The following DCHS2 variants were observed in gnomAD, a reference collection of about 807,000 sequenced individuals.
DCHS2 encodes protocadherin-23.
DCHS2 carries 142 observed loss-of-function variants against 182.4 expected under a neutral mutation model. That is an observed-to-expected ratio of 0.78 (90% confidence interval 0.68 to 0.89). DCHS2 has a LOEUF of 0.89. Ranked by LOEUF, DCHS2 falls within the 40% of genes least tolerant of loss-of-function variation. DCHS2 has a pLI of 0.00. For synonymous variants in DCHS2, 1,740 were observed against 1,663.3 expected (o/e 1.05, Z -1.12); for missense variants, 4,319 against 4,198.6 (o/e 1.03, Z -0.79).
intron 1 of DCHS2, among the ~76,000 whole-genome samples, chr4:154,417,196 TGTGTGTGTGAGAGAGA>T (rs1415481153): frequency 0.027 from 1,779 of 67,012 alleles, 74 homozygotes; most frequent in African/African-American, 0.077. Context: ...TGTGTGTGTG[TGTGTGTGTGAGAGAGA>T]GAGAGAGAGA....
At chr4:154,356,940 A>T (rs1729898653) in intron 3 of DCHS2, among the ~76,000 whole-genome samples, 1 of 152,080 alleles carries the variant, frequency 6.6e-6, no homozygotes, top group Non-Finnish European at 1.5e-5. Flanking sequence ...TACAGGTCAG[A>T]AGTAGTTGGC....
chr4:154,469,830 G>A (rs575678662), intron 1 of DCHS2, among the ~76,000 whole-genome samples: 1 of 152,166 alleles, frequency 6.6e-6, no homozygotes, highest in East Asian at 1.9e-4. Context: ...ACATCATCCT[G>A]TTAGACAAAC....
At chr4:154,429,327 C>A (rs188085977) in intron 1 of DCHS2, among the ~76,000 whole-genome samples, 140 of 152,294 alleles carry the variant, frequency 9.2e-4, no homozygotes, top group African/African-American at 3.3e-3. Flanking sequence ...CTCTTTCCTT[C>A]CTTTTGTGGG....
At chr4:154,272,598 C>T (rs192600237) in intron 13 of DCHS2, among the ~76,000 whole-genome samples, 8 of 152,162 alleles carry the variant, frequency 5.3e-5, no homozygotes, top group Admixed American at 5.2e-4. Flanking sequence ...TGTCTCTCAC[C>T]TACTGCCATG....
chr4:154,364,118 T>G (rs1202059030), intron 3 of DCHS2, among the ~76,000 whole-genome samples: 2 of 152,222 alleles, frequency 1.3e-5, no homozygotes, highest in Non-Finnish European at 2.9e-5. Context: ...AATTTGGTCT[T>G]TGCTTAAAAA....
chr4:154,247,793 T>G (rs1250410915), intron 16 of DCHS2, among the ~76,000 whole-genome samples: 2 of 152,128 alleles, frequency 1.3e-5, no homozygotes, highest in African/African-American at 4.8e-5. Flanking sequence ...ATATATTACA[T>G]GAAAGAGTAG....
At chr4:154,473,993 G>T (rs1385897704) in intron 1 of DCHS2, among the ~76,000 whole-genome samples, 2 of 152,122 alleles carry the variant, frequency 1.3e-5, no homozygotes, top group African/African-American at 4.8e-5. Context: ...AATCTGAGCC[G>T]ATATTAAAGG....
intron 7 of DCHS2, among the ~76,000 whole-genome samples, chr4:154,327,133 A>G (rs1056930489): frequency 4.6e-5 from 7 of 152,126 alleles, no homozygotes; most frequent in Non-Finnish European, 1.0e-4. Context: ...GACAGATCCT[A>G]TCTGTGTTGT....
At chr4:154,392,339 G>A (rs1731744946) in intron 1 of DCHS2, among the ~76,000 whole-genome samples, 1 of 152,130 alleles carries the variant, frequency 6.6e-6, no homozygotes, top group Non-Finnish European at 1.5e-5. Flanking sequence ...CAGAATTTAT[G>A]CACAGAGGTC....
intron 1 of DCHS2, among the ~76,000 whole-genome samples, chr4:154,462,321 T>A (rs1468721636): frequency 6.6e-6 from 1 of 152,182 alleles, no homozygotes; most frequent in Non-Finnish European, 1.5e-5. Flanking sequence ...CTTAACACTT[T>A]ACAGTCAAGC....
intron 1 of DCHS2, among the ~76,000 whole-genome samples, chr4:154,410,976 A>AAGG (rs1732607005): frequency 6.6e-6 from 1 of 152,238 alleles, no homozygotes; most frequent in East Asian, 1.9e-4. Context: ...TGTTATACGC[A>AAGG]AAATGCTACA....
Position 154,322,465 on chromosome 4 carries a change from TC to T in DCHS2, c.4041del (p.Ile1348LeufsTer8), listed in dbSNP as rs1736102519. The T allele has an allele frequency of 1.2e-6, 2 of 1,612,986 alleles. No homozygotes were observed. Among genetic ancestry groups the T allele is most frequent in the Non-Finnish European group, 1.7e-6 (2 of 1,179,574 alleles). On this transcript the variant is annotated frameshift_variant, in exon 8 of 20. Transcript: ENST00000357232. LOFTEE classifies it high-confidence loss of function. ...CTTATTTCACCATTGTTGGCGTCAA[TC>T]TTAAAGTGATCAGAACTATCTTCTA... ...VSSEDSSDHFKIDANNGEIRT... is the reference protein window; with the variant it reads ...VSSEDSSDHFXIDANNGEIRT...
intron 1 of DCHS2, among the ~76,000 whole-genome samples, chr4:154,467,784 A>G (rs1306467717): frequency 2.6e-5 from 4 of 152,176 alleles, no homozygotes; most frequent in Non-Finnish European, 5.9e-5. Flanking sequence ...AAATAGGTGT[A>G]TTTTTATAAA....
At chr4:154,448,197 C>A (rs940232899) in intron 1 of DCHS2, among the ~76,000 whole-genome samples, 2 of 152,106 alleles carry the variant, frequency 1.3e-5, no homozygotes, top group Non-Finnish European at 2.9e-5. Flanking sequence ...ATGAGCTTGC[C>A]CTCCCATTCC....
chr4:154,362,500 C>T (rs1473433505), intron 3 of DCHS2, among the ~76,000 whole-genome samples: 1 of 152,172 alleles, frequency 6.6e-6, no homozygotes, highest in Non-Finnish European at 1.5e-5. Context: ...CTGGCAGCCT[C>T]TGTAGAGATC....
chr4:154,250,859 G>T (rs556248797), intron 16 of DCHS2, among the ~76,000 whole-genome samples: 2 of 152,326 alleles, frequency 1.3e-5, no homozygotes, highest in African/African-American at 4.8e-5. Context: ...GTAGTTCACA[G>T]AATAATGTTT....
At chr4:154,455,074 T>C (rs569840511) in intron 1 of DCHS2, among the ~76,000 whole-genome samples, 1 of 152,344 alleles carries the variant, frequency 6.6e-6, no homozygotes, top group South Asian at 2.1e-4. Context: ...AACTTTCAAT[T>C]ACCTGTAAAT....
Position 154,265,455 on chromosome 4 carries a change from T to C in DCHS2, c.6577+4445A>G, listed in dbSNP as rs528475103. Among the ~76,000 whole-genome samples, 377 of 152,254 alleles carry C rather than the reference T, an allele frequency of 2.5e-3. 1 individual carries two copies. Among genetic ancestry groups the C allele is most frequent in the Non-Finnish European group, 4.5e-3 (306 of 68,016 alleles). On this transcript the variant is annotated intron_variant, in intron 14 of 19. Transcript: ENST00000357232. The stretch of plus-strand genomic sequence containing the variant: ...AGTAAATGACATATTGTTTAGAAAT[T>C]CAAATGCAGTGGAAAAATTATAACC...
rs1728771830 is a variant in DCHS2, at chr4:154,490,407, G to T, written c.949C>A (p.Arg317Ser). The change falls in exon 1 of 20, where the codon CGC becomes AGC. Residue 317 changes from arginine (R) to serine (S), a missense_variant. Transcript: ENST00000357232. ...EDAQPGAEVC[R>S]VRATDRDLGP... ...AGGTCGCGGTCGGTGGCGCGCACGC[G>T]ACAGACCTCGGCGCCCGGCTGGGCG... 6 of 1,533,586 alleles carry T rather than the reference G, an allele frequency of 3.9e-6. 1 individual carries two copies. The highest frequency in any genetic ancestry group is 3.4e-4 in the Middle Eastern group (2 of 5,878). 95.0% of individuals were successfully genotyped at this position (1,533,586 alleles called of 1,614,324 possible).
Sources: allele counts gnomAD v4.1 joint callset (sites outside exome capture counted in the v4.1 genomes callset), GRCh38; gene constraint gnomAD v4.1.1; transcripts MANE v1.5; gene names NCBI Gene and HGNC (gene_info 2026-07-23, HGNC 2026-07-21).